The following ESRP1 variants were observed in gnomAD, a reference collection of about 807,000 sequenced individuals.
The protein encoded by ESRP1 is epithelial splicing regulatory protein 1, also known as RNA-binding motif protein 35A.
ESRP1 carries 33 observed loss-of-function variants against 81.7 expected under a neutral mutation model. The observed-to-expected ratio is 0.40, with a 90% CI of 0.31 to 0.54. ESRP1 has a LOEUF of 0.54. Among genes scored for constraint, ESRP1 ranks in the 20% least tolerant of loss-of-function variants. The pLI is 0.41. For synonymous variants in ESRP1, 320 were observed against 303.3 expected, an observed-to-expected ratio of 1.06 and a Z score of -0.57; for missense variants, 672 against 833.1, an observed-to-expected ratio of 0.81 and a Z score of 2.38.
Position 94,642,606 on chromosome 8 carries a change from T to C in ESRP1, c.261+522T>C, listed in dbSNP as rs2130521392. 1.3e-5 allele frequency among the ~76,000 whole-genome samples: 2 copies of C among 152,334 alleles called. 1 individual carries two copies. The highest frequency in any genetic ancestry group is 4.1e-4 in the South Asian group (2 of 4,828). ...AAGGCTCGGTCCGTCATTATTTCTT[T>C]AGTGGCCTTGGTCCCACTGCCAGGG... On this transcript the variant is annotated intron_variant, in intron 2 of 15. Coordinates refer to ENST00000433389, the MANE Select transcript of ESRP1 (RefSeq NM_017697.4).
chr8:94,645,639 AC>A (rs761009378), intron 3 of ESRP1, among the ~76,000 whole-genome samples: 18 of 151,928 alleles, frequency 1.2e-4, no homozygotes, highest in African/African-American at 2.4e-5. Context: ...CTAATGTGGG[AC>A]TATTATTTGG....
intron 13 of ESRP1, among the ~76,000 whole-genome samples, chr8:94,686,164 A>G (rs1809131273): frequency 1.3e-5 from 2 of 152,116 alleles, no homozygotes; most frequent in Non-Finnish European, 2.9e-5. Flanking sequence ...CCTGACCTCC[A>G]GTGATCCACC....
intron 4 of ESRP1, chr8:94,656,083 T>A (rs767674303): frequency 6.7e-6 from 1 of 148,832 alleles, no homozygotes; most frequent in Non-Finnish European, 1.5e-5. Context: ...TTGCCTAAGG[T>A]GGGGTGAACT....
chr8:94,642,651 G>A (rs1817671464), intron 2 of ESRP1, among the ~76,000 whole-genome samples: 1 of 152,206 alleles, frequency 6.6e-6, no homozygotes, highest in Admixed American at 6.5e-5. Context: ...AGGTCCGAAC[G>A]TGCAAGGCTG....
Position 94,668,152 on chromosome 8 carries a change from T to A in ESRP1, c.1135T>A (p.Cys379Ser). The A allele has an allele frequency of 6.2e-7, 1 of 1,614,054 alleles. No homozygotes were observed. Among genetic ancestry groups the A allele is most frequent in the Non-Finnish European group, 8.5e-7 (1 of 1,179,894 alleles). ...AGGGGACGCTTTTGTCCTCTTTGCCTGTGAGGAATATGCACAGAATGCGTT... is the reference window on the plus strand; with the variant it reads ...AGGGGACGCTTTTGTCCTCTTTGCCAGTGAGGAATATGCACAGAATGCGTT... ...PTGDAFVLFA[C>S]EEYAQNALRK... Residue 379 changes from cysteine (C) to serine (S), a missense_variant, in exon 10 of 16, where the codon TGT (cysteine) becomes AGT (serine). Transcript: ENST00000433389.
chr8:94,646,353 C>CAAACATTTT lies in ESRP1; in HGVS notation c.490+75_490+83dup, dbSNP rs1411873078. 27 of 1,066,396 alleles carry CAAACATTTT rather than the reference C, an allele frequency of 2.5e-5. No individual in the cohort carries two copies. In the Middle Eastern group the frequency reaches 6.4e-4, roughly 25 times the overall value. 66.1% of individuals were successfully genotyped at this position (1,066,396 alleles called of 1,614,324 possible). On this transcript the variant is annotated intron_variant, in intron 4 of 15. Coordinates refer to ENST00000433389, the MANE Select transcript of ESRP1 (RefSeq NM_017697.4). Reference sequence around the variant, plus strand: ...CAGAAAAGGTAATTCAAGAAACTTTCAAACATTTTAAATTTTGTCAGCATA... The same window carrying CAAACATTTT: ...CAGAAAAGGTAATTCAAGAAACTTTCAAACATTTTAAACATTTTAAATTTTGTCAGCATA...
At chr8:94,642,550 GC>G (rs1322516503) in intron 2 of ESRP1, among the ~76,000 whole-genome samples, 1 of 152,162 alleles carries the variant, frequency 6.6e-6, no homozygotes, top group African/African-American at 2.4e-5. Flanking sequence ...GAAGGTGCCT[GC>G]CTGGTTTCAG....
chr8:94,650,733 G>A (rs1818080278), intron 4 of ESRP1, among the ~76,000 whole-genome samples: 1 of 150,854 alleles, frequency 6.6e-6, no homozygotes. Context: ...TTTTTTTTGA[G>A]ACGGAGTCTT....
At chr8:94,703,272 A>C (rs1357352769) in intron 15 of ESRP1, among the ~76,000 whole-genome samples, 1 of 151,966 alleles carries the variant, frequency 6.6e-6, no homozygotes, top group East Asian at 1.9e-4. Context: ...CTCCTGCCTC[A>C]GCCTCCCGAG....
chr8:94,704,580 A>G (rs928785770), intron 15 of ESRP1, among the ~76,000 whole-genome samples: 1 of 152,036 alleles, frequency 6.6e-6, no homozygotes, highest in African/African-American at 2.4e-5. Context: ...ACTGGTCAGG[A>G]TGGTGAGAAT....
chr8:94,703,537 T>A (rs1457887075), intron 15 of ESRP1, among the ~76,000 whole-genome samples: 3 of 152,168 alleles, frequency 2.0e-5, no homozygotes, highest in African/African-American at 7.2e-5. Context: ...TTTCCTGGCA[T>A]TTCCACATTT....
intron 13 of ESRP1, among the ~76,000 whole-genome samples, chr8:94,684,523 T>A (rs1301978306): frequency 1.3e-5 from 2 of 152,194 alleles, no homozygotes; most frequent in Non-Finnish European, 2.9e-5. Context: ...AAACAGTATG[T>A]CTCCAGTTAC....
intron 4 of ESRP1, among the ~76,000 whole-genome samples, chr8:94,652,580 T>C (rs1325659135): frequency 6.6e-6 from 1 of 152,186 alleles, no homozygotes; most frequent in Non-Finnish European, 1.5e-5. Flanking sequence ...ATTCATTTTC[T>C]TTTAAACCCA....
At chr8:94,661,418 A>G (rs1818739996) in intron 4 of ESRP1, among the ~76,000 whole-genome samples, 1 of 152,202 alleles carries the variant, frequency 6.6e-6, no homozygotes, top group Admixed American at 6.5e-5. Flanking sequence ...GAACAGTCAA[A>G]ACATAACTTT....
intron 10 of ESRP1, chr8:94,668,494 T>C (rs984462897): frequency 1.3e-5 from 4 of 304,392 alleles, no homozygotes; most frequent in African/African-American, 8.6e-5. Context: ...TTGTATTCTG[T>C]TTTAAAACTA....
intron 4 of ESRP1, among the ~76,000 whole-genome samples, chr8:94,647,707 A>G (rs1350084453): frequency 2.6e-5 from 4 of 152,242 alleles, no homozygotes; most frequent in African/African-American, 9.6e-5. Context: ...GGGGAGGTGG[A>G]GGACACAATT....
At chr8:94,694,083 C>G (rs969520888) in intron 14 of ESRP1, among the ~76,000 whole-genome samples, 12 of 152,074 alleles carry the variant, frequency 7.9e-5, no homozygotes, top group Non-Finnish European at 1.5e-4. Flanking sequence ...TTACTAAAAG[C>G]TTATTGAAAA....
chr8:94,655,164 A>C (rs1818341954), intron 4 of ESRP1, among the ~76,000 whole-genome samples: 1 of 151,178 alleles, frequency 6.6e-6, no homozygotes, highest in African/African-American at 2.4e-5. Flanking sequence ...ATCTCAGCTC[A>C]TTGTGACCTC....
intron 14 of ESRP1, among the ~76,000 whole-genome samples, chr8:94,696,093 G>A (rs1001471543): frequency 3.3e-5 from 5 of 152,138 alleles, no homozygotes; most frequent in African/African-American, 1.2e-4. Context: ...TACTCTTTGT[G>A]TCTTCCATAC....
Sources: allele counts gnomAD v4.1 joint callset (sites outside exome capture counted in the v4.1 genomes callset), GRCh38; gene constraint gnomAD v4.1.1; transcripts MANE v1.5; gene names NCBI Gene and HGNC (gene_info 2026-07-23, HGNC 2026-07-21).